The following ABHD8 variants were observed in gnomAD, a reference collection of about 807,000 sequenced individuals.
ABHD8 encodes abhydrolase domain containing 8, also known as protein ABHD8.
Under a neutral mutation model 29.3 loss-of-function variants are expected in ABHD8, and 10 were observed. The ratio of observed to expected loss-of-function variants is 0.34; its 90% confidence interval spans 0.21 to 0.58. ABHD8 has a LOEUF of 0.58. ABHD8 is among the 20% of genes least tolerant of loss of function. The pLI, the probability that ABHD8 is intolerant of heterozygous loss-of-function variation, is 0.85. For missense variants in ABHD8, 556 were observed against 615.3 expected, an observed-to-expected ratio of 0.90 and a Z score of 1.02; for synonymous variants, 282 against 274.6, an observed-to-expected ratio of 1.03 and a Z score of -0.27.
chr19:17,294,755 C>T lies in ABHD8; in HGVS notation c.852G>A (p.Glu284=), dbSNP rs749456670. 1.9e-6 allele frequency: 3 copies of T among 1,614,198 alleles called. No individual in the cohort carries two copies. The highest frequency in any genetic ancestry group is 2.2e-5 in the East Asian group (1 of 44,888). ...TGTTGAAGATTGAGCAGAAGCTGGG[C>T]TCCAGCGCCGTAGGGCCCCCGCCAT... The part of the protein sequence containing the change: ...MINGGGPTAL[E]PSFCSIFNMP... Residue 284 remains glutamate (E), a synonymous_variant, in exon 3 of 5, where the codon GAG becomes GAA. Coordinates refer to ENST00000247706, the MANE Select transcript of ABHD8 (RefSeq NM_024527.5).
rs1237921296 is a variant in ABHD8 at position 17,300,758 on chromosome 19, G to C, written c.761+98C>G. 9 of 1,421,404 alleles carry C rather than the reference G, an allele frequency of 6.3e-6. No individual in the cohort carries two copies. The South Asian group carries it at 1.2e-4, about 20-fold the overall frequency. The allele number at this position is 1,421,404 out of a possible 1,614,324, so 88.0% of individuals were successfully genotyped here. The stretch of plus-strand genomic sequence containing the variant: ...CTCCCAAAGTGCTGGGATTACAGGC[G>C]TGAGCCACGGGGCTCAGCCAAAAAC... On this transcript the variant is annotated intron_variant, in intron 2 of 4. Transcript: ENST00000247706.
At chr19:17,297,277 T>A (rs547964414) in intron 2 of ABHD8, among the ~76,000 whole-genome samples, 3 of 152,284 alleles carry the variant, frequency 2.0e-5, no homozygotes, top group African/African-American at 7.2e-5. Flanking sequence ...GGAACTATTG[T>A]AGGTGGGTGT....
Position 17,292,587 on chromosome 19 carries a change from G to C in ABHD8, c.*74C>G. On this transcript the variant is annotated 3_prime_UTR_variant, in exon 5 of 5. Coordinates refer to ENST00000247706, the MANE Select transcript of ABHD8 (RefSeq NM_024527.5). Reference sequence around the variant, plus strand: ...ACGGCCCGCCCAGGTGGTCTGCGCTGCAGACCTGGCGCAGGCTCGGGCCTC... The same window carrying C: ...ACGGCCCGCCCAGGTGGTCTGCGCTCCAGACCTGGCGCAGGCTCGGGCCTC... The C allele has an allele frequency of 6.8e-7, 1 of 1,474,170 alleles. No homozygotes were observed. The highest frequency in any genetic ancestry group is 9.0e-7 in the Non-Finnish European group (1 of 1,106,518). 91.3% of individuals were successfully genotyped at this position (1,474,170 alleles called of 1,614,324 possible).
intron 2 of ABHD8, among the ~76,000 whole-genome samples, chr19:17,300,212 C>A (rs1217166999): frequency 6.7e-6 from 1 of 149,946 alleles, no homozygotes; most frequent in Admixed American, 6.6e-5. Flanking sequence ...ATTTTTTTTT[C>A]TTTTTTAAAG....
Position 17,292,229 on chromosome 19 carries a change from A to C in ABHD8, c.*432T>G. On this transcript the variant is annotated 3_prime_UTR_variant, in exon 5 of 5. Coordinates refer to ENST00000247706, the MANE Select transcript of ABHD8 (RefSeq NM_024527.5). ...CCCCCCTTGGGCAAAAATAGCTCCC[A>C]GCGCCGAGGAATGGGGGGTAGGAAG... 1.5e-4 allele frequency: 29 copies of C among 192,538 alleles called. No individual in the cohort carries two copies. Among genetic ancestry groups the C allele is most frequent in the East Asian group, 2.4e-4 (2 of 8,288 alleles). 11.9% of individuals were successfully genotyped at this position (192,538 alleles called of 1,614,324 possible). A position where few individuals can be genotyped will look rare whatever the true frequency, so the allele number is the denominator to read the frequency against.
rs368241424 is a variant in ABHD8, at chr19:17,297,066, T to C, written c.762-2221A>G. The stretch of plus-strand genomic sequence containing the variant: ...CTGTATGGCCTGCAAACCTAAAATA[T>C]TCGCTATCCGATCCTTTAAGGAAAT... On this transcript the variant is annotated intron_variant, in intron 2 of 4. Transcript: ENST00000247706. 2.1e-4 allele frequency among the ~76,000 whole-genome samples: 32 copies of C among 152,346 alleles called. 1 individual carries two copies. The East Asian group carries it at 5.8e-3, about 28-fold the overall frequency.
At position 17,299,556 on chromosome 19, in the gene ABHD8, A is replaced by G. The variant is rs549483323; in HGVS notation, c.761+1300T>C. ...AGCCTGGGGGACAGAGTGAGACTCC[A>G]TCTCAAAAAAAAAAAAAAAAAAAAA... On this transcript the variant is annotated intron_variant, in intron 2 of 4. Transcript: ENST00000247706. 1.4e-3 allele frequency among the ~76,000 whole-genome samples: 162 copies of G among 119,392 alleles called. 1 individual carries two copies. The highest frequency in any genetic ancestry group is 6.1e-4 in the Non-Finnish European group (35 of 57,224). The allele number at this position is 119,392 out of a possible 152,430, so 78.3% of individuals were successfully genotyped here.
intron 2 of ABHD8, among the ~76,000 whole-genome samples, chr19:17,299,647 A>G (rs998395262): frequency 6.6e-5 from 10 of 151,786 alleles, no homozygotes; most frequent in Admixed American, 6.6e-4. Context: ...AGGTGCAAGG[A>G]TCACTTGAGC....
chr19:17,301,861 TCGG>T (rs2145660906), intron 1 of ABHD8, among the ~76,000 whole-genome samples: 1 of 152,100 alleles, frequency 6.6e-6, no homozygotes, highest in East Asian at 1.9e-4. Flanking sequence ...TGGCCGGATT[TCGG>T]CTTACTGCAA....
Position 17,301,300 on chromosome 19 carries a change from C to G in ABHD8, c.317G>C (p.Gly106Ala). ...GRAPRADLLHGQNGSGEPPAA... is the reference protein window; with the variant it reads ...GRAPRADLLHAQNGSGEPPAA... ...CGGCGGCTCCCCAGAGCCATTCTGC[C>G]CGTGTAGGAGGTCGGCTCGAGGGGC... The change falls in exon 2 of 5, where the codon GGG (glycine) becomes GCG (alanine). Residue 106 changes from glycine (G) to alanine (A), a missense_variant. This residue lies in a region of ABHD8 where 286 missense variants were observed against 261.4 expected (regional missense o/e 1.09). Transcript: ENST00000247706. 6.2e-7 allele frequency: 1 copy of G among 1,607,280 alleles called. No homozygotes were observed. Among genetic ancestry groups the G allele is most frequent in the Non-Finnish European group, 8.5e-7 (1 of 1,179,740 alleles).
At chr19:17,303,203 G>A (rs1305331533) in intron 1 of ABHD8, 39 bp downstream of exon 1, 1 of 152,254 alleles carries the variant, frequency 6.6e-6, no homozygotes, top group African/African-American at 2.4e-5. Flanking sequence ...GAGGCCCCGG[G>A]GCTTCGATCT....
intron 2 of ABHD8, among the ~76,000 whole-genome samples, chr19:17,295,315 C>T (rs2074089159): frequency 1.3e-5 from 2 of 151,934 alleles, no homozygotes; most frequent in African/African-American, 2.4e-5. Flanking sequence ...CCATGTTGGT[C>T]GGGCTGGTCT....
intron 4 of ABHD8, among the ~76,000 whole-genome samples, chr19:17,293,976 C>T (rs559510789): frequency 4.6e-5 from 7 of 152,214 alleles, no homozygotes; most frequent in South Asian, 2.1e-4. Context: ...TTATATAGGT[C>T]ACCGGTCTCA....
rs150010983 is a variant in ABHD8 at position 17,294,731 on chromosome 19, G to A, written c.876C>T (p.Asn292=). 582 of 1,614,208 alleles carry A rather than the reference G, an allele frequency of 3.6e-4. 1 individual carries two copies. Among genetic ancestry groups the A allele is most frequent in the Non-Finnish European group, 4.2e-4 (492 of 1,180,040 alleles). ...AGCAGTGCAGGACGCAGGTGGGCAT[G>A]TTGAAGATTGAGCAGAAGCTGGGCT... ...ALEPSFCSIF[N]MPTCVLHCLS... Residue 292 remains asparagine (N), a synonymous_variant, in exon 3 of 5, where the codon AAC becomes AAT. Transcript: ENST00000247706.
chr19:17,298,324 C>T (rs2074102415), intron 2 of ABHD8: 1 of 152,114 alleles, frequency 6.6e-6, no homozygotes, highest in Admixed American at 6.6e-5. Flanking sequence ...GAGAATGAGG[C>T]CACTTGGTAG....
intron 1 of ABHD8, chr19:17,302,736 A>AGGGCCCTG (rs1487823632): frequency 6.6e-6 from 1 of 152,252 alleles, no homozygotes; most frequent in Non-Finnish European, 1.5e-5. Flanking sequence ...TGGGAGAGGC[A>AGGGCCCTG]GGGCCCTGGC....
rs1028990706 is a variant in ABHD8 at position 17,294,494 on chromosome 19, C to T, written c.943G>A (p.Ala315Thr). 3.1e-6 allele frequency: 5 copies of T among 1,613,676 alleles called. No individual in the cohort carries two copies. The highest frequency in any genetic ancestry group is 4.5e-5 in the East Asian group (2 of 44,874). ...TGCTTCTCCTTGGCTCCTTGGCGGG[C>T]GAAGCCGGCCCTGGTGGTGGTGGAG... ...LAWSFLKAGF[A>T]RQGAKEKQLL... Residue 315 changes from alanine (A) to threonine (T), a missense_variant, in exon 4 of 5, where the codon GCC becomes ACC. Physicochemically the swap from Ala to Thr is moderately conservative, Grantham distance 58 (BLOSUM62 0). This residue lies in a region of ABHD8 where 270 missense variants were observed against 353.9 expected (regional missense o/e 0.76). Transcript: ENST00000247706.
chr19:17,301,165 G>T lies in ABHD8; in HGVS notation c.452C>A (p.Ala151Asp). The T allele has an allele frequency of 1.2e-6, 2 of 1,609,322 alleles. No individual in the cohort carries two copies. Among genetic ancestry groups the T allele is most frequent in the Admixed American group, 1.7e-5 (1 of 59,928 alleles). Residue 151 changes from alanine (A) to aspartate (D), a missense_variant, in exon 2 of 5, where the codon GCC (alanine) becomes GAC (aspartate). Around this residue, in one of 2 missense-constraint regions of ABHD8, gnomAD observed 286 missense variants for 261.4 expected, o/e 1.09. Coordinates refer to ENST00000247706, the MANE Select transcript of ABHD8 (RefSeq NM_024527.5). ...ATGGATGGTCCTCTTGGGGCGCCTGGCTCGCCGCCGCCGCCCACCACTGCC... is the reference window on the plus strand; with the variant it reads ...ATGGATGGTCCTCTTGGGGCGCCTGTCTCGCCGCCGCCGCCCACCACTGCC... ...GSGSGGRRRRARRPKRTIHID... is the reference protein window; with the variant it reads ...GSGSGGRRRRDRRPKRTIHID...
chr19:17,296,144 T>C (rs192403108), intron 2 of ABHD8: 10 of 152,082 alleles, frequency 6.6e-5, no homozygotes, highest in African/African-American at 2.2e-4. Context: ...AAAGTGTGAG[T>C]TTGAGTGTTG....
Sources: gnomAD v4.1 joint callset for allele counts (sites outside exome capture counted in the v4.1 genomes callset) on GRCh38, gnomAD v4.1.1 for gene constraint, gnomAD v4.1.1 regional missense constraint, MANE v1.5 for transcripts, NCBI Gene and HGNC (gene_info 2026-07-23, HGNC 2026-07-21) for gene names.